ARID1A: variants seen among roughly 807,000 people sequenced by gnomAD.
The protein encoded by ARID1A is AT-rich interactive domain-containing protein 1A.
In ARID1A, 20 loss-of-function variants were observed where a neutral mutation model predicts 212.6. The observed-to-expected ratio is 0.09, with a 90% CI of 0.07 to 0.14. ARID1A has a LOEUF of 0.14. Ranked by LOEUF, ARID1A falls within the 10% of genes least tolerant of loss-of-function variation. The pLI is 1.00. For synonymous variants in ARID1A, 1,376 were observed against 1,222.1 expected (o/e 1.13, Z -2.63); for missense variants, 2,587 against 3,059.0 (o/e 0.85, Z 3.64).
At chr1:26,777,924 C>T (rs377296234) in intron 19 of ARID1A, among the ~76,000 whole-genome samples, 2 of 151,900 alleles carry the variant, frequency 1.3e-5, no homozygotes, top group African/African-American at 2.4e-5. Flanking sequence ...AAAAATTAGC[C>T]GGGCCTGGTG....
chr1:26,755,912 T>G (rs1024516423), intron 4 of ARID1A, among the ~76,000 whole-genome samples: 2 of 151,924 alleles, frequency 1.3e-5, no homozygotes, highest in Non-Finnish European at 2.9e-5. Flanking sequence ...CCTGGCTATT[T>G]TTTTGTGTTT....
chr1:26,698,706 C>T (rs1188420828), intron 1 of ARID1A, among the ~76,000 whole-genome samples: 1 of 152,158 alleles, frequency 6.6e-6, no homozygotes, highest in Non-Finnish European at 1.5e-5. Context: ...TAAATGACTT[C>T]TTTGATGGCT....
At chr1:26,747,011 C>T (rs1462242600) in intron 4 of ARID1A, among the ~76,000 whole-genome samples, 3 of 152,128 alleles carry the variant, frequency 2.0e-5, no homozygotes, top group Middle Eastern at 3.2e-3. Context: ...CACTGCACTC[C>T]AGCCTGGTGA....
intron 1 of ARID1A, among the ~76,000 whole-genome samples, chr1:26,711,010 T>A (rs1050475533): frequency 4.6e-5 from 7 of 151,998 alleles, no homozygotes; most frequent in East Asian, 3.9e-4. Context: ...GCAGATCGGG[T>A]TCTTGGTGAC....
In ARID1A at chr1:26,779,863, C is replaced by A. The variant is rs879255270; in HGVS notation, c.5965C>A (p.Arg1989=). ...CTGCGTCTGTGTGTCCAATACCATTCGAAGCCTGTCATTTGTGCCAGGCAA... is the reference window on the plus strand; with the variant it reads ...CTGCGTCTGTGTGTCCAATACCATTAGAAGCCTGTCATTTGTGCCAGGCAA... ...KRCVCVSNTI[R]SLSFVPGNDF... Residue 1989 remains arginine (R), a synonymous_variant, in exon 20 of 20, where the codon CGA becomes AGA. Coordinates refer to ENST00000324856, the MANE Select transcript of ARID1A (RefSeq NM_006015.6). The A allele has an allele frequency of 1.2e-6, 2 of 1,614,126 alleles. No individual in the cohort carries two copies. The highest frequency in any genetic ancestry group is 1.1e-5 in the South Asian group (1 of 91,078).
At position 26,774,037 on chromosome 1, in the gene ARID1A, G is replaced by T. The variant is rs145331629; in HGVS notation, c.4101+139G>T. Reference sequence around the variant, plus strand: ...TTCTCTCACCTGACTGGCCAGTCCTGCCTGAAGAGCCACGTCCTCAATCTC... The same window carrying T: ...TTCTCTCACCTGACTGGCCAGTCCTTCCTGAAGAGCCACGTCCTCAATCTC... On this transcript the variant is annotated intron_variant, in intron 17 of 19. Coordinates refer to ENST00000324856, the MANE Select transcript of ARID1A (RefSeq NM_006015.6). The surrounding 1 kb of genome is among the most constrained non-coding windows in gnomAD (Gnocchi z 5.6). The T allele has an allele frequency of 6.4e-5, 75 of 1,167,940 alleles. 1 individual carries two copies. The East Asian group carries it at 1.9e-3, about 29-fold the overall frequency. 72.3% of individuals were successfully genotyped at this position (1,167,940 alleles called of 1,614,324 possible). A position where few individuals can be genotyped will look rare whatever the true frequency, so the allele number is the denominator to read the frequency against.
intron 1 of ARID1A, among the ~76,000 whole-genome samples, chr1:26,712,301 C>T (rs753660176): frequency 6.6e-6 from 1 of 152,200 alleles, no homozygotes; most frequent in Non-Finnish European, 1.5e-5. Flanking sequence ...ATTGACCTCT[C>T]TCCCTCACCC....
chr1:26,710,060 G>C (rs1213214919), intron 1 of ARID1A, among the ~76,000 whole-genome samples: 1 of 149,470 alleles, frequency 6.7e-6, no homozygotes, highest in Non-Finnish European at 1.5e-5. Context: ...TGGAACTCCT[G>C]ACCTCAGGTA....
intron 1 of ARID1A, among the ~76,000 whole-genome samples, chr1:26,708,301 T>C (rs1200336752): frequency 7.6e-6 from 1 of 132,068 alleles, no homozygotes; most frequent in Non-Finnish European, 1.6e-5. Flanking sequence ...TTTTTTTTTT[T>C]TGAGACGGAG....
chr1:26,732,594 TC>T, intron 3 of ARID1A, 81 bp from the exon 4 acceptor site: 2 of 1,120,908 alleles, frequency 1.8e-6, no homozygotes, highest in Non-Finnish European at 1.3e-6. Flanking sequence ...TGAGAGACAG[TC>T]CCATAACCCT....
At chr1:26,709,163 A>G (rs1276035328) in intron 1 of ARID1A, among the ~76,000 whole-genome samples, 1 of 152,184 alleles carries the variant, frequency 6.6e-6, no homozygotes, top group Admixed American at 6.6e-5. Flanking sequence ...CTATATAATG[A>G]GGAAAAATAT....
rs2081174951 is a variant in ARID1A, at chr1:26,779,867, G to A, written c.5969G>A (p.Ser1990Asn). ...GTCTGTGTGTCCAATACCATTCGAA[G>A]CCTGTCATTTGTGCCAGGCAATGAC... is the stretch of plus-strand genomic sequence containing the variant. ...RCVCVSNTIRSLSFVPGNDFE... is the reference protein window; with the variant it reads ...RCVCVSNTIRNLSFVPGNDFE... The change falls in exon 20 of 20, where the codon AGC (serine) becomes AAC (asparagine). Residue 1990 changes from serine to asparagine, a missense_variant. Ser to Asn is a conservative substitution (Grantham distance 46). Coordinates refer to ENST00000324856, the MANE Select transcript of ARID1A (RefSeq NM_006015.6). 7 of 1,614,106 alleles carry A rather than the reference G, an allele frequency of 4.3e-6. No homozygotes were observed. Among genetic ancestry groups the A allele is most frequent in the Non-Finnish European group, 5.9e-6 (7 of 1,180,010 alleles).
chr1:26,732,570 T>C, intron 3 of ARID1A, 106 bp from the exon 4 acceptor site: 1 of 873,866 alleles, frequency 1.1e-6, no homozygotes, highest in South Asian at 1.6e-5. Context: ...CAACTGGACT[T>C]TCTCTCACAC....
At chr1:26,705,756 A>T (rs1389836956) in intron 1 of ARID1A, among the ~76,000 whole-genome samples, 1 of 152,102 alleles carries the variant, frequency 6.6e-6, no homozygotes, top group Non-Finnish European at 1.5e-5. Flanking sequence ...GGATGAAATT[A>T]GTTTTTTACT....
intron 4 of ARID1A, among the ~76,000 whole-genome samples, chr1:26,758,443 G>A (rs1323416731): frequency 6.6e-6 from 1 of 152,028 alleles, no homozygotes; most frequent in African/African-American, 2.4e-5. Context: ...GCCAGACATG[G>A]TGGCGCCTGC....
At chr1:26,763,870 C>T (rs1265539257) in intron 8 of ARID1A, among the ~76,000 whole-genome samples, 4 of 152,218 alleles carry the variant, frequency 2.6e-5, no homozygotes, top group African/African-American at 9.6e-5. Flanking sequence ...TTCACTGCAG[C>T]CTCGACCTCC....
chr1:26,756,587 C>G (rs1328526816), intron 4 of ARID1A, among the ~76,000 whole-genome samples: 1 of 148,552 alleles, frequency 6.7e-6, no homozygotes, highest in African/African-American at 2.5e-5. Flanking sequence ...AACAAAAAAA[C>G]ACACACAAAA....
chr1:26,781,496 G>A lies in ARID1A; in HGVS notation c.*740G>A, dbSNP rs980644703. 9.9e-5 allele frequency: 23 copies of A among 232,540 alleles called. No homozygotes were observed. The highest frequency in any genetic ancestry group is 1.9e-4 in the Non-Finnish European group (22 of 117,750). 14.4% of individuals were successfully genotyped at this position (232,540 alleles called of 1,614,324 possible). A position where few individuals can be genotyped will look rare whatever the true frequency, so the allele number is the denominator to read the frequency against. On this transcript the variant is annotated 3_prime_UTR_variant, in exon 20 of 20. Coordinates refer to ENST00000324856, the MANE Select transcript of ARID1A (RefSeq NM_006015.6). The stretch of plus-strand genomic sequence containing the variant: ...AGGCTTTTCCCCCAAAGTATCATGT[G>A]TGAACCTACAACACCCTGACCTCTT...
chr1:26,733,036 A>C (rs1176540572), intron 4 of ARID1A, among the ~76,000 whole-genome samples: 1 of 152,180 alleles, frequency 6.6e-6, no homozygotes, highest in Non-Finnish European at 1.5e-5. Flanking sequence ...ATGGACCCAC[A>C]TGAGGGGCAG....
Sources: allele counts gnomAD v4.1 joint callset (sites outside exome capture counted in the v4.1 genomes callset), GRCh38; gene constraint gnomAD v4.1.1; non-coding constraint Gnocchi (gnomAD v3.1); transcripts MANE v1.5; gene names NCBI Gene and HGNC (gene_info 2026-07-23, HGNC 2026-07-21).